The following TRMT9B variants were observed in gnomAD, a reference collection of about 807,000 sequenced individuals.
TRMT9B encodes probable tRNA methyltransferase 9B.
In TRMT9B, 16 loss-of-function variants were observed where a neutral mutation model predicts 11.5. The ratio of observed to expected loss-of-function variants is 1.39; its 90% CI spans 0.94 to 2.11. TRMT9B has a LOEUF of 2.11. Ranked by LOEUF, TRMT9B falls within the 30% of genes most tolerant of loss-of-function variation. The probability of loss-of-function intolerance (pLI) is 0.00; values close to 1 mark genes in which losing one functional copy is unlikely to be tolerated. For missense variants in TRMT9B, 941 were observed against 553.8 expected, an observed-to-expected ratio of 1.70 and a Z score of -7.02; for synonymous variants, 274 against 192.4, an observed-to-expected ratio of 1.42 and a Z score of -3.51.
intron 2 of TRMT9B, among the ~76,000 whole-genome samples, chr8:12,994,291 C>A (rs112421328): frequency 0.012 from 1,865 of 152,360 alleles, 32 homozygotes; most frequent in African/African-American, 0.041. Context: ...TTACTTTTCA[C>A]TGCTACCTCT....
At chr8:13,009,587 C>T (rs148206523) in intron 3 of TRMT9B, among the ~76,000 whole-genome samples, 1 of 152,116 alleles carries the variant, frequency 6.6e-6, no homozygotes, top group Non-Finnish European at 1.5e-5. Flanking sequence ...TAAAAATAAG[C>T]GTATTTGTGC....
At chr8:12,982,113 C>T (rs1205241166) in intron 1 of TRMT9B, among the ~76,000 whole-genome samples, 1 of 152,192 alleles carries the variant, frequency 6.6e-6, no homozygotes, top group Non-Finnish European at 1.5e-5. Flanking sequence ...CTCTCCATGT[C>T]TTTGCCCTCA....
rs1810450674 is a variant in TRMT9B, at chr8:13,006,314, T to C, written c.112T>C (p.Phe38Leu). 1 of 1,613,612 alleles carries C rather than the reference T, an allele frequency of 6.2e-7. No homozygotes were observed. The highest frequency in any genetic ancestry group is 1.7e-5 in the Admixed American group (1 of 60,006). Residue 38 changes from phenylalanine to leucine, a missense_variant, in exon 3 of 5, where the codon TTC becomes CTC. Phe to Leu is a conservative substitution (Grantham distance 22). Coordinates refer to ENST00000524591, the MANE Select transcript of TRMT9B (RefSeq NM_020844.3). Reference sequence around the variant, plus strand: ...CAAAGCCTGGCCTCGTGTCCGCCAGTTCCTGCAAGAGCAGAAGCCAGGCAG... The same window carrying C: ...CAAAGCCTGGCCTCGTGTCCGCCAGCTCCTGCAAGAGCAGAAGCCAGGCAG... ...QSKAWPRVRQ[F>L]LQEQKPGSLI...
chr8:13,025,492 G>A lies in TRMT9B; in HGVS notation c.*3448G>A, dbSNP rs576790643. ...AGATTGTGCCATTGCACTCCAACCTGGGCAACAAGAGTGAAACTCCATCTC... is the reference window on the plus strand; with the variant it reads ...AGATTGTGCCATTGCACTCCAACCTAGGCAACAAGAGTGAAACTCCATCTC... On this transcript the variant is annotated 3_prime_UTR_variant, in exon 5 of 5. Transcript: ENST00000524591. 4.3e-5 allele frequency: 7 copies of A among 164,524 alleles called. No homozygotes were observed. The highest frequency in any genetic ancestry group is 1.7e-4 in the African/African-American group (7 of 41,578). 10.2% of individuals were successfully genotyped at this position (164,524 alleles called of 1,614,324 possible).
intron 2 of TRMT9B, among the ~76,000 whole-genome samples, chr8:13,000,497 G>T (rs1357407078): frequency 6.6e-6 from 1 of 152,180 alleles, no homozygotes; most frequent in Non-Finnish European, 1.5e-5. Flanking sequence ...TGGGGCAAGG[G>T]AAGGAACAAA....
At position 13,004,816 on chromosome 8, in the gene TRMT9B, A is replaced by G. The variant is rs546089530; in HGVS notation, c.-1-1386A>G. Among the ~76,000 whole-genome samples, 4 of 152,192 alleles carry G rather than the reference A, an allele frequency of 2.6e-5. No individual in the cohort carries two copies. In the South Asian group the frequency reaches 8.3e-4, roughly 32 times the overall value. On this transcript the variant is annotated intron_variant, in intron 2 of 4. Coordinates refer to ENST00000524591, the MANE Select transcript of TRMT9B (RefSeq NM_020844.3). ...AAGGAAAGGGGACTTTGCCTTGCAC[A>G]TTAGGTACCAGCTCGGCCACAGTGG...
chr8:12,966,220 C>T (rs1802803818), intron 1 of TRMT9B, among the ~76,000 whole-genome samples: 1 of 152,094 alleles, frequency 6.6e-6, no homozygotes. Context: ...CTGGTCCCAG[C>T]TACTCAGTAG....
chr8:13,007,437 C>T (rs1033505022), intron 3 of TRMT9B: 1 of 152,182 alleles, frequency 6.6e-6, no homozygotes, highest in Non-Finnish European at 1.5e-5. Context: ...CTAGCAATTG[C>T]ATGCTGACTG....
intron 2 of TRMT9B, among the ~76,000 whole-genome samples, chr8:13,004,721 A>G (rs1262394723): frequency 6.6e-6 from 1 of 152,030 alleles, no homozygotes; most frequent in Non-Finnish European, 1.5e-5. Flanking sequence ...CTGGCTCCAG[A>G]TGCGACTTAG....
intron 1 of TRMT9B, among the ~76,000 whole-genome samples, chr8:12,948,555 GAATATAT>G (rs1400404077): frequency 6.8e-5 from 10 of 147,378 alleles, no homozygotes; most frequent in South Asian, 4.2e-4. Context: ...CATTGCATAT[GAATATAT>G]AATATATAAG....
chr8:13,012,888 T>A (rs753457741), intron 4 of TRMT9B, 31 bp downstream of exon 4: 2 of 1,607,768 alleles, frequency 1.2e-6, no homozygotes, highest in African/African-American at 2.7e-5. Flanking sequence ...ATTCACCCTT[T>A]GCCATGAGAA....
chr8:12,965,426 G>A (rs1370961534), intron 1 of TRMT9B, among the ~76,000 whole-genome samples: 4 of 152,114 alleles, frequency 2.6e-5, no homozygotes, highest in Non-Finnish European at 4.4e-5. Context: ...ACTACTCAAG[G>A]GCTTAGCCAG....
rs2128907780 is a variant in TRMT9B at position 13,028,618 on chromosome 8, C to G, written c.*6574C>G. ...TGAGACAGTGTCTCACTCTGTCACC[C>G]AGGCTGGAGGGCAGTAGTGCAGTCT... On this transcript the variant is annotated 3_prime_UTR_variant, in exon 5 of 5. Transcript: ENST00000524591. The G allele has an allele frequency of 6.7e-6, 1 of 148,572 alleles. No individual in the cohort carries two copies. Among genetic ancestry groups the G allele is most frequent in the East Asian group, 2.0e-4 (1 of 5,074 alleles). 9.2% of individuals were successfully genotyped at this position (148,572 alleles called of 1,614,324 possible).
At chr8:12,993,622 G>C (rs1585251293) in intron 2 of TRMT9B, among the ~76,000 whole-genome samples, 1 of 152,322 alleles carries the variant, frequency 6.6e-6, no homozygotes, top group Non-Finnish European at 1.5e-5. Flanking sequence ...AAAGGTGCCA[G>C]CACTGTGACA....
intron 3 of TRMT9B, chr8:13,010,522 C>T (rs1000041825): frequency 1.0e-6 from 1 of 983,212 alleles, no homozygotes; most frequent in Non-Finnish European, 1.2e-6. Flanking sequence ...TTTTATTGTT[C>T]ACATTCAAGA....
chr8:12,995,166 A>C (rs1222998583), intron 2 of TRMT9B, among the ~76,000 whole-genome samples: 1 of 152,050 alleles, frequency 6.6e-6, no homozygotes, highest in Non-Finnish European at 1.5e-5. Context: ...ACACAATACA[A>C]CTCTAGACTT....
rs1472796625 is a variant in TRMT9B at position 13,025,710 on chromosome 8, C to T, written c.*3666C>T. ...TGCCAGTATAGTGATGATATGACAC[C>T]AGCATATCAAAGTAACTAACAAACT... On this transcript the variant is annotated 3_prime_UTR_variant, in exon 5 of 5. Transcript: ENST00000524591. 6.0e-6 allele frequency: 1 copy of T among 166,994 alleles called. No individual in the cohort carries two copies. The highest frequency in any genetic ancestry group is 2.4e-5 in the African/African-American group (1 of 41,436). The allele number at this position is 166,994 out of a possible 1,614,324, so 10.3% of individuals were successfully genotyped here.
At chr8:12,961,562 G>A (rs1372253824) in intron 1 of TRMT9B, among the ~76,000 whole-genome samples, 1 of 151,748 alleles carries the variant, frequency 6.6e-6, no homozygotes, top group East Asian at 2.0e-4. Context: ...TTAGCTGGGC[G>A]TGGTGGTGGG....
At chr8:12,946,301 G>A (rs1045122931) in intron 1 of TRMT9B, among the ~76,000 whole-genome samples, 2 of 152,160 alleles carry the variant, frequency 1.3e-5, no homozygotes, top group African/African-American at 2.4e-5. Context: ...TAAGCAATTA[G>A]TGTAATCATC....
Sources: allele counts gnomAD v4.1 joint callset (sites outside exome capture counted in the v4.1 genomes callset), GRCh38; gene constraint gnomAD v4.1.1; transcripts MANE v1.5; gene names NCBI Gene and HGNC (gene_info 2026-07-23, HGNC 2026-07-21).